Variants in PSMB7 observed in about 807,000 individuals in gnomAD.
PSMB7 encodes the protein proteasome subunit beta type-7.
Under a neutral mutation model 28.1 loss-of-function variants are expected in PSMB7, and 5 were observed. The ratio of observed to expected loss-of-function variants is 0.18; its 90% CI spans 0.09 to 0.37. PSMB7 has a LOEUF of 0.37. Among genes scored for constraint, PSMB7 ranks in the 10% least tolerant of loss-of-function variants. The pLI is 1.00. For synonymous variants in PSMB7, 122 were observed against 123.7 expected (o/e 0.99, Z 0.09); for missense variants, 275 against 346.2 (o/e 0.79, Z 1.63).
intron 5 of PSMB7, among the ~76,000 whole-genome samples, chr9:124,401,441 T>C (rs939677061): frequency 6.6e-6 from 1 of 152,274 alleles, no homozygotes; most frequent in Non-Finnish European, 1.5e-5. Context: ...TGTTAACCAC[T>C]AATCTTCCCA....
chr9:124,404,592 A>G (rs1416364734), intron 5 of PSMB7, among the ~76,000 whole-genome samples: 4 of 152,166 alleles, frequency 2.6e-5, no homozygotes, highest in African/African-American at 4.8e-5. Flanking sequence ...TCATGCCTAT[A>G]ATCCATCCAA....
intron 6 of PSMB7, among the ~76,000 whole-genome samples, chr9:124,362,227 G>C (rs1382912735): frequency 6.6e-6 from 1 of 152,196 alleles, no homozygotes; most frequent in Non-Finnish European, 1.5e-5. Flanking sequence ...AAATAAAATT[G>C]GTTATTTGCC....
chr9:124,357,650 CTGG>C (rs1294178683), intron 6 of PSMB7, among the ~76,000 whole-genome samples: 1 of 152,226 alleles, frequency 6.6e-6, no homozygotes, highest in Non-Finnish European at 1.5e-5. Flanking sequence ...CTAATAGTTA[CTGG>C]TGAACAGATG....
Position 124,385,636 on chromosome 9 carries a change from C to T in PSMB7, c.512-980G>A, listed in dbSNP as rs1830711007. Among the ~76,000 whole-genome samples, 2 of 152,112 alleles carry T rather than the reference C, an allele frequency of 1.3e-5. 1 individual carries two copies. Among genetic ancestry groups the T allele is most frequent in the South Asian group, 4.1e-4 (2 of 4,820 alleles). On this transcript the variant is annotated intron_variant, in intron 5 of 7. Transcript: ENST00000259457. ...ATTTATTACTTTTTAACTTGTTTTG[C>T]ATAACACTATCTATTTAGCTGGGTC...
chr9:124,411,173 T>C (rs1470073963), intron 4 of PSMB7, among the ~76,000 whole-genome samples: 1 of 152,166 alleles, frequency 6.6e-6, no homozygotes, highest in Non-Finnish European at 1.5e-5. Context: ...TGTTTCACCA[T>C]GTTGGCCAGG....
intron 6 of PSMB7, among the ~76,000 whole-genome samples, chr9:124,360,932 A>G (rs762297208): frequency 4.5e-4 from 69 of 152,254 alleles, no homozygotes; most frequent in Admixed American, 1.6e-3. Context: ...GTTATTTAGT[A>G]AAGCAAGCCA....
intron 5 of PSMB7, among the ~76,000 whole-genome samples, chr9:124,397,019 TA>T (rs2131171299): frequency 6.6e-6 from 1 of 152,298 alleles, no homozygotes; most frequent in East Asian, 1.9e-4. Context: ...ATTACTCTCT[TA>T]AAAAAGAAGT....
intron 6 of PSMB7, among the ~76,000 whole-genome samples, chr9:124,362,756 T>C (rs1175861775): frequency 1.3e-5 from 2 of 152,198 alleles, no homozygotes; most frequent in Non-Finnish European, 2.9e-5. Flanking sequence ...GTAATGCATG[T>C]TAATATATTA....
At chr9:124,372,352 A>G (rs973296676) in intron 6 of PSMB7, among the ~76,000 whole-genome samples, 1 of 152,248 alleles carries the variant, frequency 6.6e-6, no homozygotes, top group African/African-American at 2.4e-5. Context: ...ATTTTCAGAA[A>G]TATTTTTGGG....
intron 6 of PSMB7, among the ~76,000 whole-genome samples, chr9:124,366,346 T>C (rs1324859883): frequency 3.3e-5 from 5 of 152,186 alleles, no homozygotes; most frequent in Non-Finnish European, 7.3e-5. Context: ...GAGGTTGCAA[T>C]GAGCTGAGAT....
chr9:124,383,250 A>T (rs1002616036), intron 6 of PSMB7, among the ~76,000 whole-genome samples: 1 of 152,214 alleles, frequency 6.6e-6, no homozygotes, highest in African/African-American at 2.4e-5. Flanking sequence ...CAGAATCCCA[A>T]TCTCATTTAT....
chr9:124,413,445 CA>C (rs1831052506), intron 3 of PSMB7, among the ~76,000 whole-genome samples: 1 of 151,966 alleles, frequency 6.6e-6, no homozygotes, highest in Non-Finnish European at 1.5e-5. Flanking sequence ...GGAAATGTGA[CA>C]AGTCTCTTGA....
Position 124,367,674 on chromosome 9 carries a change from A to G in PSMB7, c.571-10759T>C, listed in dbSNP as rs1412367404. ...TACCAGCGGTGTGACCTCAGTGATA[A>G]AAGTCACTCCACATTTTTAAGTTCC... On this transcript the variant is annotated intron_variant, in intron 6 of 7. Transcript: ENST00000259457. 3.9e-5 allele frequency among the ~76,000 whole-genome samples: 6 copies of G among 152,284 alleles called. No individual in the cohort carries two copies. The East Asian group carries it at 9.6e-4, about 24-fold the overall frequency.
At chr9:124,375,403 A>T (rs1485722974) in intron 6 of PSMB7, among the ~76,000 whole-genome samples, 3 of 152,094 alleles carry the variant, frequency 2.0e-5, no homozygotes, top group Non-Finnish European at 4.4e-5. Flanking sequence ...AACTCAACCG[A>T]TCCGCCCGTC....
At chr9:124,408,246 C>A (rs564595688) in intron 4 of PSMB7, among the ~76,000 whole-genome samples, 5 of 151,904 alleles carry the variant, frequency 3.3e-5, no homozygotes, top group African/African-American at 9.7e-5. Flanking sequence ...GACGGTAGTA[C>A]AACGTTTGTC....
intron 4 of PSMB7, among the ~76,000 whole-genome samples, chr9:124,409,769 A>C (rs1379915518): frequency 6.6e-6 from 1 of 152,146 alleles, no homozygotes; most frequent in African/African-American, 2.4e-5. Context: ...GAATCACCCA[A>C]ATTTATACGA....
chr9:124,406,630 G>C (rs1334490828), intron 4 of PSMB7, among the ~76,000 whole-genome samples: 1 of 149,546 alleles, frequency 6.7e-6, no homozygotes, highest in Admixed American at 6.7e-5. Context: ...CAAAAAAAAA[G>C]TATTTCATCA....
intron 6 of PSMB7, chr9:124,384,309 A>T (rs181575103): frequency 2.3e-4 from 84 of 361,368 alleles, no homozygotes; most frequent in African/African-American, 1.7e-3. Flanking sequence ...GTGCGCAAGA[A>T]AACATTCCAC....
rs552511717 is a variant in PSMB7, at chr9:124,373,559, G to A, written c.570+11039C>T. Among the ~76,000 whole-genome samples, 5 of 152,210 alleles carry A rather than the reference G, an allele frequency of 3.3e-5. No individual in the cohort carries two copies. In the East Asian group the frequency reaches 5.8e-4, roughly 18 times the overall value. On this transcript the variant is annotated intron_variant, in intron 6 of 7. Transcript: ENST00000259457. ...AATGTACAATCATCAACCCAATTACGGCACAAATCCAGTGTATAAAGGAAG... is the reference window on the plus strand; with the variant it reads ...AATGTACAATCATCAACCCAATTACAGCACAAATCCAGTGTATAAAGGAAG...
Sources: allele counts gnomAD v4.1 joint callset (sites outside exome capture counted in the v4.1 genomes callset), GRCh38; gene constraint gnomAD v4.1.1; transcripts MANE v1.5; gene names NCBI Gene and HGNC (gene_info 2026-07-23, HGNC 2026-07-21).